Variants in MINDY3 observed in about 807,000 individuals in gnomAD.
The protein encoded by MINDY3 is MINDY lysine 48 deubiquitinase 3.
Under a neutral mutation model 69.2 loss-of-function variants are expected in MINDY3, and 38 were observed. The ratio of observed to expected loss-of-function variants is 0.55; its 90% CI spans 0.42 to 0.72. The LOEUF is 0.72. MINDY3 is among the 30% of genes least tolerant of loss of function. The pLI is 0.00. For missense variants in MINDY3, 522 were observed against 519.0 expected, an observed-to-expected ratio of 1.01 and a Z score of -0.06; for synonymous variants, 192 against 180.1, an observed-to-expected ratio of 1.07 and a Z score of -0.53.
chr10:15,832,689 AT>A (rs1350338003), intron 8 of MINDY3, among the ~76,000 whole-genome samples: 3 of 152,184 alleles, frequency 2.0e-5, no homozygotes, highest in African/African-American at 7.2e-5. Flanking sequence ...TAGTTCTTAA[AT>A]TTTTTAAACA....
intron 10 of MINDY3, among the ~76,000 whole-genome samples, chr10:15,812,014 T>A (rs1369793843): frequency 6.6e-6 from 1 of 152,150 alleles, no homozygotes; most frequent in Non-Finnish European, 1.5e-5. Flanking sequence ...CAATCTCAGC[T>A]CACTGCAACC....
intron 5 of MINDY3, 88 bp from the exon 6 acceptor site, chr10:15,837,406 T>C: frequency 3.2e-6 from 4 of 1,235,966 alleles, no homozygotes; most frequent in Non-Finnish European, 4.6e-6. Flanking sequence ...TCTTATACAT[T>C]AAAACATATA....
At position 15,816,869 on chromosome 10, in the gene MINDY3, C is replaced by T. The variant is rs1410047995; in HGVS notation, c.848G>A (p.Gly283Asp). Residue 283 changes from glycine to aspartate, a missense_variant, in exon 10 of 15, where the codon GGC becomes GAC. Transcript: ENST00000277632. The part of the protein sequence containing the change: ...KSPKFPIWIV[G>D]SETHLTVFFA... Reference sequence around the variant, plus strand: ...AAATACGGTGAGGTGAGTCTCACTGCCAACAATCCAAATAGGGAATTTTGG... The same window carrying T: ...AAATACGGTGAGGTGAGTCTCACTGTCAACAATCCAAATAGGGAATTTTGG... The T allele has an allele frequency of 6.2e-7, 1 of 1,613,274 alleles. No individual in the cohort carries two copies. The highest frequency in any genetic ancestry group is 8.5e-7 in the Non-Finnish European group (1 of 1,179,588).
At chr10:15,792,499 G>A (rs1194933924) in intron 11 of MINDY3, among the ~76,000 whole-genome samples, 2 of 152,090 alleles carry the variant, frequency 1.3e-5, no homozygotes, top group African/African-American at 2.4e-5. Flanking sequence ...TGCTAACAGT[G>A]ACGGGAGGCC....
At chr10:15,822,601 A>G (rs1392446919) in intron 8 of MINDY3, among the ~76,000 whole-genome samples, 1 of 152,188 alleles carries the variant, frequency 6.6e-6, no homozygotes, top group Non-Finnish European at 1.5e-5. Flanking sequence ...AGAATTAAGA[A>G]GTAAGTTCTG....
intron 1 of MINDY3, among the ~76,000 whole-genome samples, chr10:15,848,659 A>AAAAG (rs1246294541): frequency 1.6e-5 from 2 of 123,742 alleles, no homozygotes; most frequent in African/African-American, 3.0e-5. Context: ...AAAAAAAAAA[A>AAAAG]AAAGAAAGAA....
intron 5 of MINDY3, chr10:15,837,649 A>G: frequency 8.5e-7 from 1 of 1,175,104 alleles, no homozygotes; most frequent in Non-Finnish European, 1.1e-6. Context: ...AAGAGGGGGT[A>G]AACACAAAGA....
intron 1 of MINDY3, among the ~76,000 whole-genome samples, chr10:15,849,108 T>C (rs1834081695): frequency 6.6e-6 from 1 of 152,132 alleles, no homozygotes; most frequent in South Asian, 2.1e-4. Context: ...AAGAGAAGAA[T>C]GCAGAGTATT....
chr10:15,823,309 T>G (rs562894319), intron 8 of MINDY3, among the ~76,000 whole-genome samples: 8 of 152,316 alleles, frequency 5.3e-5, no homozygotes, highest in African/African-American at 1.9e-4. Flanking sequence ...TCTTAGAGAC[T>G]ACGTGAGATC....
At chr10:15,800,136 C>T (rs1195978227) in intron 10 of MINDY3, among the ~76,000 whole-genome samples, 1 of 151,938 alleles carries the variant, frequency 6.6e-6, no homozygotes, top group Admixed American at 6.6e-5. Flanking sequence ...TTGAAAAACT[C>T]GCAAACTGTG....
chr10:15,842,029 G>A (rs774354487), intron 3 of MINDY3, among the ~76,000 whole-genome samples: 6 of 151,574 alleles, frequency 4.0e-5, no homozygotes, highest in South Asian at 2.1e-4. Flanking sequence ...TGATCACCCC[G>A]TCCCAAAGGG....
chr10:15,841,449 G>A lies in MINDY3; in HGVS notation c.386C>T (p.Ser129Phe), dbSNP rs1357482218. ...ACAAGAATGTTCCACTTGGCAACTA[G>A]ACTCTGCAGGACTCCCAGAAATACT... ...TASISGSPAE[S>F]SCQVEHSSAL... Residue 129 changes from serine to phenylalanine, a missense_variant, in exon 4 of 15, where the codon TCT (serine) becomes TTT (phenylalanine). Physicochemically the swap from Ser to Phe is radical, Grantham distance 155. Transcript: ENST00000277632. The A allele has an allele frequency of 6.2e-7, 1 of 1,610,232 alleles. No individual in the cohort carries two copies. The highest frequency in any genetic ancestry group is 8.5e-7 in the Non-Finnish European group (1 of 1,177,968).
intron 11 of MINDY3, among the ~76,000 whole-genome samples, chr10:15,789,635 T>C (rs1837263619): frequency 6.6e-6 from 1 of 152,160 alleles, no homozygotes; most frequent in Non-Finnish European, 1.5e-5. Context: ...CTTAAAATCT[T>C]AGGTTTATCT....
intron 10 of MINDY3, among the ~76,000 whole-genome samples, chr10:15,816,564 A>C (rs1347879302): frequency 6.7e-6 from 1 of 148,266 alleles, no homozygotes; most frequent in Non-Finnish European, 1.5e-5. Flanking sequence ...TTTTCTCTAT[A>C]ACACAAGTGA....
intron 10 of MINDY3, among the ~76,000 whole-genome samples, chr10:15,816,282 G>GAAAAAA (rs1421619763): frequency 8.3e-5 from 9 of 108,498 alleles, no homozygotes; most frequent in African/African-American, 5.6e-4. Flanking sequence ...AAAAAAAAAT[G>GAAAAAA]AAAAAGAAAA....
chr10:15,786,768 C>G, intron 12 of MINDY3, 120 bp from the exon 13 acceptor site: 1 of 660,478 alleles, frequency 1.5e-6, no homozygotes, highest in South Asian at 1.7e-5. Context: ...AAGAGCTGTT[C>G]TTTTTAGAAC....
intron 1 of MINDY3, among the ~76,000 whole-genome samples, chr10:15,858,442 A>G (rs1320494167): frequency 6.6e-6 from 1 of 152,236 alleles, no homozygotes; most frequent in Non-Finnish European, 1.5e-5. Flanking sequence ...AATTTGGCAT[A>G]GTCTACAATT....
chr10:15,849,444 T>TG lies in MINDY3; in HGVS notation c.95-1502dup, dbSNP rs200937570. ...CAGTAAAACAGTAATATCATCTTACTGGTTTTTTTTTTTTTTCTTTTTCCT... is the reference window on the plus strand; with the variant it reads ...CAGTAAAACAGTAATATCATCTTACTGGGTTTTTTTTTTTTTTCTTTTTCCT... On this transcript the variant is annotated intron_variant, in intron 1 of 14. Coordinates refer to ENST00000277632, the MANE Select transcript of MINDY3 (RefSeq NM_024948.4). 9.1e-3 allele frequency among the ~76,000 whole-genome samples: 1,359 copies of TG among 148,882 alleles called. 13 individuals are homozygous for TG. The highest frequency in any genetic ancestry group is 0.028 in the African/African-American group (1,134 of 40,274).
At chr10:15,800,431 A>G (rs138093779) in intron 10 of MINDY3, among the ~76,000 whole-genome samples, 1 of 152,270 alleles carries the variant, frequency 6.6e-6, no homozygotes, top group Non-Finnish European at 1.5e-5. Flanking sequence ...TCCTGATGCT[A>G]TTGTGGTGAG....
Sources: gnomAD v4.1 joint callset for allele counts (sites outside exome capture counted in the v4.1 genomes callset) on GRCh38, gnomAD v4.1.1 for gene constraint, MANE v1.5 for transcripts, NCBI Gene and HGNC (gene_info 2026-07-23, HGNC 2026-07-21) for gene names.